COL5A2: variants seen among roughly 807,000 people sequenced by gnomAD.
COL5A2 encodes the protein collagen alpha-2(V) chain.
A neutral mutation model predicts 208.2 loss-of-function variants in COL5A2; 23 were observed. The observed-to-expected ratio is 0.11, with a 90% CI of 0.08 to 0.16. The LOEUF (loss-of-function observed/expected upper bound fraction) is 0.16. Ranked by LOEUF, COL5A2 falls within the 10% of genes least tolerant of loss-of-function variation. The pLI is 1.00. For missense variants in COL5A2, 1,590 were observed against 1,956.4 expected, an observed-to-expected ratio of 0.81 and a Z score of 3.53; for synonymous variants, 625 against 628.5, an observed-to-expected ratio of 0.99 and a Z score of 0.08.
At chr2:189,149,456 C>CTCTATA (rs1688103417) in intron 1 of COL5A2, among the ~76,000 whole-genome samples, 1 of 152,244 alleles carries the variant, frequency 6.6e-6, no homozygotes, top group South Asian at 2.1e-4. Flanking sequence ...TTAATATTGG[C>CTCTATA]TCTATATTCC....
chr2:189,067,025 A>T (rs1409446715), intron 21 of COL5A2, among the ~76,000 whole-genome samples: 2 of 152,334 alleles, frequency 1.3e-5, no homozygotes, highest in Non-Finnish European at 2.9e-5. Flanking sequence ...ATTTATTTTT[A>T]AAATCATGTT....
chr2:189,056,109 A>G (rs1438573081), intron 35 of COL5A2, among the ~76,000 whole-genome samples: 4 of 152,216 alleles, frequency 2.6e-5, no homozygotes, highest in Non-Finnish European at 4.4e-5. Flanking sequence ...ACATTTCACT[A>G]TATTTCCTTA....
intron 35 of COL5A2, 75 bp downstream of exon 35, chr2:189,056,898 G>A: frequency 1.4e-6 from 2 of 1,396,698 alleles, no homozygotes; most frequent in Non-Finnish European, 2.0e-6. Context: ...CTTTATTTTG[G>A]AAGGTTCAGG....
At chr2:189,148,760 C>T (rs1474547964) in intron 1 of COL5A2, among the ~76,000 whole-genome samples, 1 of 152,120 alleles carries the variant, frequency 6.6e-6, no homozygotes, top group Non-Finnish European at 1.5e-5. Flanking sequence ...GAGTTACAGA[C>T]CATAGCCTTA....
chr2:189,230,759 C>T, the COL5A2 span, among the ~76,000 whole-genome samples: 1 of 151,806 alleles, frequency 6.6e-6, no homozygotes, highest in African/African-American at 2.4e-5. Flanking sequence ...TAAAATAGTG[C>T]AGCCAGGATG....
the COL5A2 span, among the ~76,000 whole-genome samples, chr2:189,387,500 C>T: frequency 1.1e-3 from 165 of 152,078 alleles, 1 homozygote; most frequent in Non-Finnish European, 4.0e-4. Context: ...GAAATAGCCA[C>T]GCATTCCTGG....
At chr2:189,297,496 A>T in the COL5A2 span, among the ~76,000 whole-genome samples, 387 of 152,268 alleles carry the variant, frequency 2.5e-3, 2 homozygotes, top group Non-Finnish European at 4.0e-3. Context: ...CAAAAAATTA[A>T]TTTTTTTAAT....
chr2:189,183,946 T>C (rs1011195911), upstream of COL5A2, among the ~76,000 whole-genome samples: 19 of 152,224 alleles, frequency 1.2e-4, no homozygotes, highest in Non-Finnish European at 2.9e-5. Flanking sequence ...TTCCCTGGTC[T>C]AATTTATTCC....
At chr2:189,285,813 A>G in the COL5A2 span, among the ~76,000 whole-genome samples, 6 of 152,202 alleles carry the variant, frequency 3.9e-5, no homozygotes, top group African/African-American at 1.4e-4. Context: ...GTATTCTATG[A>G]CATTTTTGCA....
At chr2:189,438,717 ATTC>A in the COL5A2 span, among the ~76,000 whole-genome samples, 2 of 152,198 alleles carry the variant, frequency 1.3e-5, no homozygotes, top group Admixed American at 6.5e-5. Flanking sequence ...AGGTGCTGGA[ATTC>A]TTCTGTATCC....
chr2:189,205,997 A>C (rs1689138827), intron 1 of COL5A2, among the ~76,000 whole-genome samples: 1 of 152,176 alleles, frequency 6.6e-6, no homozygotes, highest in Non-Finnish European at 1.5e-5. Flanking sequence ...TGCTGTTACC[A>C]TTTCTTAAGT....
the COL5A2 span, among the ~76,000 whole-genome samples, chr2:189,299,972 A>G: frequency 1.3e-5 from 2 of 152,270 alleles, no homozygotes; most frequent in South Asian, 2.1e-4. Flanking sequence ...AAAATTCATC[A>G]TAAGTAAGCA....
At chr2:189,337,503 A>T in the COL5A2 span, among the ~76,000 whole-genome samples, 25 of 152,126 alleles carry the variant, frequency 1.6e-4, no homozygotes, top group African/African-American at 5.8e-4. Flanking sequence ...TTAATTAAAT[A>T]AAAAAAAGTT....
At chr2:189,129,109 G>A (rs1325943537) in intron 1 of COL5A2, among the ~76,000 whole-genome samples, 1 of 151,556 alleles carries the variant, frequency 6.6e-6, no homozygotes, top group African/African-American at 2.4e-5. Flanking sequence ...ATGGTCCCCT[G>A]GTGAGTTTTA....
the COL5A2 span, among the ~76,000 whole-genome samples, chr2:189,265,945 A>G: frequency 1.6e-4 from 24 of 152,198 alleles, no homozygotes; most frequent in Non-Finnish European, 2.7e-4. Context: ...GAGTGACCAT[A>G]TGACCCAAAT....
At chr2:189,231,942 C>G in the COL5A2 span, among the ~76,000 whole-genome samples, 4 of 151,546 alleles carry the variant, frequency 2.6e-5, no homozygotes, top group Non-Finnish European at 5.9e-5. Flanking sequence ...GAGGGTGACA[C>G]AGCAAGAGAG....
intron 1 of COL5A2, among the ~76,000 whole-genome samples, chr2:189,213,101 G>A (rs958606090): frequency 6.6e-6 from 1 of 151,824 alleles, no homozygotes; most frequent in African/African-American, 2.4e-5. Flanking sequence ...TGTTGGTCAG[G>A]CTGGTCTAGA....
chr2:189,053,309 C>A, intron 38 of COL5A2, 115 bp downstream of exon 38: 1 of 973,428 alleles, frequency 1.0e-6, no homozygotes, highest in South Asian at 1.4e-5. Flanking sequence ...AGAATATTGT[C>A]TAGAAAACTG....
intron 1 of COL5A2, among the ~76,000 whole-genome samples, chr2:189,174,715 A>G (rs148004639): frequency 1.4e-3 from 210 of 152,236 alleles, no homozygotes; most frequent in African/African-American, 4.9e-3. Context: ...TCTTTATACC[A>G]TTTTTTATCA....
Sources: gnomAD v4.1 joint callset for allele counts (sites outside exome capture counted in the v4.1 genomes callset) on GRCh38, gnomAD v4.1.1 for gene constraint, MANE v1.5 for transcripts, NCBI Gene and HGNC (gene_info 2026-07-23, HGNC 2026-07-21) for gene names.